EXOC6B: variants seen among roughly 807,000 people sequenced by gnomAD.
EXOC6B encodes SEC15 homolog B.
EXOC6B carries 54 observed loss-of-function variants against 113.5 expected under a neutral mutation model. That is an observed-to-expected ratio of 0.48 (90% CI 0.38 to 0.60). The LOEUF is 0.60. Ranked by LOEUF, EXOC6B falls within the 20% of genes least tolerant of loss-of-function variation. The pLI is 0.00. For synonymous variants in EXOC6B, 357 were observed against 339.0 expected (o/e 1.05, Z -0.58); for missense variants, 797 against 977.5 (o/e 0.82, Z 2.46).
intron 18 of EXOC6B, among the ~76,000 whole-genome samples, chr2:72,403,439 T>G (rs943632089): frequency 1.3e-5 from 2 of 152,062 alleles, no homozygotes; most frequent in Non-Finnish European, 2.9e-5. Context: ...ATAATCACAG[T>G]GCTTTGGCAG....
In EXOC6B at chr2:72,610,026, A is replaced by C. The variant is rs982554384; in HGVS notation, c.670-34358T>G. Among the ~76,000 whole-genome samples the C allele has an allele frequency of 2.0e-5, 3 of 152,172 alleles. No individual in the cohort carries two copies. In the South Asian group the frequency reaches 6.2e-4, roughly 32 times the overall value. On this transcript the variant is annotated intron_variant, in intron 6 of 21. Transcript: ENST00000272427. ...CTGGTGAAGATAGCCTTTGAAAATA[A>C]AGATGGAATAAACACATCCTTAGGT...
At chr2:72,292,807 C>CT (rs1685887617) in intron 20 of EXOC6B, among the ~76,000 whole-genome samples, 2 of 152,082 alleles carry the variant, frequency 1.3e-5, no homozygotes, top group African/African-American at 2.4e-5. Context: ...TTGAAATTCA[C>CT]TTTTGTTTCC....
intron 20 of EXOC6B, among the ~76,000 whole-genome samples, chr2:72,248,815 TAGATTAGAAA>T (rs1439485868): frequency 6.6e-6 from 1 of 151,974 alleles, no homozygotes; most frequent in Non-Finnish European, 1.5e-5. Context: ...AGAAAAAGAA[TAGATTAGAAA>T]AATAGGAAAG....
intron 20 of EXOC6B, among the ~76,000 whole-genome samples, chr2:72,224,982 A>ATG (rs200553877): frequency 6.5e-4 from 89 of 137,076 alleles, no homozygotes; most frequent in South Asian, 1.1e-3. Context: ...CTCTCTCTGT[A>ATG]TGTGTGTGTG....
chr2:72,764,854 C>A (rs1364996869), intron 1 of EXOC6B, among the ~76,000 whole-genome samples: 9 of 152,204 alleles, frequency 5.9e-5, no homozygotes. Context: ...ATATTCTTCA[C>A]TTTTAAGCCA....
chr2:72,237,164 A>G (rs76938806), intron 20 of EXOC6B, among the ~76,000 whole-genome samples: 3 of 152,190 alleles, frequency 2.0e-5, no homozygotes, highest in Non-Finnish European at 4.4e-5. Context: ...TATGGAGCAC[A>G]TAGGAAGTAA....
intron 16 of EXOC6B, among the ~76,000 whole-genome samples, chr2:72,487,580 C>T (rs1014591836): frequency 1.5e-4 from 23 of 152,066 alleles, no homozygotes; most frequent in East Asian, 1.9e-4. Context: ...AGGATGGTCT[C>T]GAACTCCTGA....
At chr2:72,671,071 AC>A (rs766410007) in intron 6 of EXOC6B, among the ~76,000 whole-genome samples, 2 of 152,192 alleles carry the variant, frequency 1.3e-5, no homozygotes. Context: ...CAGAAAAAAA[AC>A]ATTGGGGAAA....
intron 1 of EXOC6B, among the ~76,000 whole-genome samples, chr2:72,742,728 A>G (rs935424869): frequency 6.6e-6 from 1 of 152,046 alleles, no homozygotes; most frequent in Admixed American, 6.6e-5. Flanking sequence ...CCTCTATTAC[A>G]TTCCGAAGTA....
intron 8 of EXOC6B, among the ~76,000 whole-genome samples, chr2:72,520,841 T>C (rs564653439): frequency 1.1e-4 from 17 of 152,322 alleles, no homozygotes; most frequent in Admixed American, 3.9e-4. Context: ...GATCTTCCTA[T>C]ATGTGCTCTT....
Position 72,802,324 on chromosome 2 carries a change from C to CA in EXOC6B, c.113+23473dup, listed in dbSNP as rs200155351. On this transcript the variant is annotated intron_variant, in intron 1 of 21. Coordinates refer to ENST00000272427, the MANE Select transcript of EXOC6B (RefSeq NM_015189.3). ...TGGGCAACAGGGCAAGACTCTGTCTCAAAAAAAAAAAAAAAAGTGTCTGCT... is the reference window on the plus strand; with the variant it reads ...TGGGCAACAGGGCAAGACTCTGTCTCAAAAAAAAAAAAAAAAAGTGTCTGCT... Among the ~76,000 whole-genome samples, 625 of 102,610 alleles carry CA rather than the reference C, an allele frequency of 6.1e-3. 4 individuals are homozygous for CA. Among genetic ancestry groups the CA allele is most frequent in the African/African-American group, 0.015 (417 of 27,222 alleles). The allele number at this position is 102,610 out of a possible 152,430, so 67.3% of individuals were successfully genotyped here. A position where few individuals can be genotyped will look rare whatever the true frequency, so the allele number is the denominator to read the frequency against.
At chr2:72,784,570 T>C (rs951725043) in intron 1 of EXOC6B, among the ~76,000 whole-genome samples, 1 of 152,144 alleles carries the variant, frequency 6.6e-6, no homozygotes, top group Non-Finnish European at 1.5e-5. Flanking sequence ...GCACTTCTTA[T>C]ATGGTGGCGG....
chr2:72,296,135 G>A (rs1304140529), intron 20 of EXOC6B, among the ~76,000 whole-genome samples: 2 of 152,012 alleles, frequency 1.3e-5, no homozygotes, highest in African/African-American at 2.4e-5. Context: ...AAATAAATTT[G>A]TTCCTGAATA....
At chr2:72,681,308 T>A (rs907498483) in intron 6 of EXOC6B, among the ~76,000 whole-genome samples, 1 of 152,152 alleles carries the variant, frequency 6.6e-6, no homozygotes, top group Non-Finnish European at 1.5e-5. Context: ...TCAAAATTTA[T>A]CTCAGTCTGA....
chr2:72,593,555 T>C (rs1438991574), intron 6 of EXOC6B, among the ~76,000 whole-genome samples: 1 of 151,514 alleles, frequency 6.6e-6, no homozygotes, highest in East Asian at 1.9e-4. Flanking sequence ...AGAAAAACAA[T>C]TTTTTCCCTT....
chr2:72,584,088 T>C (rs1705399811), intron 6 of EXOC6B, among the ~76,000 whole-genome samples: 1 of 151,998 alleles, frequency 6.6e-6, no homozygotes, highest in Non-Finnish European at 1.5e-5. Flanking sequence ...TATACTTAAG[T>C]ACATTGCCCA....
chr2:72,213,606 C>T (rs1680329621), intron 20 of EXOC6B, among the ~76,000 whole-genome samples: 1 of 152,198 alleles, frequency 6.6e-6, no homozygotes, highest in South Asian at 2.1e-4. Context: ...TGATAGGGAG[C>T]CTTCAAGGTG....
chr2:72,179,498 G>C (rs369329900), intron 21 of EXOC6B, 37 bp from the exon 22 acceptor site: 26 of 1,612,784 alleles, frequency 1.6e-5, no homozygotes, highest in Non-Finnish European at 2.0e-5. Flanking sequence ...CAACATGTTT[G>C]AGGAAACAAT....
intron 18 of EXOC6B, among the ~76,000 whole-genome samples, chr2:72,442,681 T>C (rs1696281973): frequency 6.6e-6 from 1 of 151,994 alleles, no homozygotes; most frequent in South Asian, 2.1e-4. Flanking sequence ...TACAGCTAAG[T>C]AGGGAGGTAA....
Sources: allele counts gnomAD v4.1 joint callset (sites outside exome capture counted in the v4.1 genomes callset), GRCh38; gene constraint gnomAD v4.1.1; transcripts MANE v1.5; gene names NCBI Gene and HGNC (gene_info 2026-07-23, HGNC 2026-07-21).